Variants in MAX observed in about 807,000 individuals in gnomAD.
The protein encoded by MAX is MYC associated transcriptional regulator X, also known as protein max.
Under a neutral mutation model 22.3 loss-of-function variants are expected in MAX, and 3 were observed. The observed-to-expected ratio is 0.13, with a 90% confidence interval of 0.06 to 0.35. The LOEUF (loss-of-function observed/expected upper bound fraction) is 0.35, where lower values mean the gene tolerates loss of function less well. Ranked by LOEUF, MAX falls within the 10% of genes least tolerant of loss-of-function variation. The probability of loss-of-function intolerance (pLI) is 1.00; values close to 1 mark genes in which losing one functional copy is unlikely to be tolerated. For missense variants in MAX, 119 were observed against 209.4 expected (o/e 0.57, Z 2.66); for synonymous variants, 72 against 77.7 (o/e 0.93, Z 0.39).
chr14:65,032,710 G>A lies in MAX; in HGVS notation c.172-26426C>T, dbSNP rs748420900. 6.2e-7 allele frequency: 1 copy of A among 1,612,350 alleles called. No homozygotes were observed. On this transcript the variant is annotated intron_variant, in intron 3 of 3. Coordinates refer to the MAX transcript ENST00000341653. This position sits in a 1 kb window ranked among gnomAD's most constrained non-coding sequence, Gnocchi z 5.0. The stretch of plus-strand genomic sequence containing the variant: ...ATGGATAGCAAGGTGAGAGAAGCCA[G>A]GGTTTCTCCTGGCCTCTTGGAGAGC...
Position 65,032,402 on chromosome 14 carries a change from T to C in MAX, c.172-26118A>G. 2 of 470,692 alleles carry C rather than the reference T, an allele frequency of 4.2e-6. No individual in the cohort carries two copies. Among genetic ancestry groups the C allele is most frequent in the Non-Finnish European group, 7.5e-6 (2 of 266,604 alleles). 29.2% of individuals were successfully genotyped at this position (470,692 alleles called of 1,614,324 possible). ...AGGGAGAATAGAATGTCATGTTCTT[T>C]CACTGAAGCCATGCCGTGAGCAACT... On this transcript the variant is annotated intron_variant, in intron 3 of 3. Transcript: ENST00000341653. This position sits in a 1 kb window ranked among gnomAD's most constrained non-coding sequence, Gnocchi z 5.0.
rs1444214530 is a variant in MAX at position 65,032,935 on chromosome 14, G to A, written c.172-26651C>T. 6.6e-6 allele frequency among the ~76,000 whole-genome samples: 1 copy of A among 152,124 alleles called. No individual in the cohort carries two copies. The highest frequency in any genetic ancestry group is 1.5e-5 in the Non-Finnish European group (1 of 68,024). ...TAAAAAACTTTGGTAAACAATATTA[G>A]TGAGAGCCTGAATTGATTTAACCAG... is the stretch of plus-strand genomic sequence containing the variant. On this transcript the variant is annotated intron_variant, in intron 3 of 3. Coordinates refer to the MAX transcript ENST00000341653. This position sits in a 1 kb window ranked among gnomAD's most constrained non-coding sequence, Gnocchi z 5.0.
intron 3 of MAX, among the ~76,000 whole-genome samples, chr14:65,087,301 A>T (rs547674152): frequency 1.6e-4 from 24 of 152,292 alleles, no homozygotes; most frequent in African/African-American, 5.5e-4. Flanking sequence ...CTGTGAGAAG[A>T]GTGCCACCAT....
rs1224440622 is a variant in MAX at position 65,023,910 on chromosome 14, G to A, written c.172-17626C>T. Reference sequence around the variant, plus strand: ...GAGCTCGGGAGTTCGAGACCAGCCTGGGCAACACAGTGAAACCCTGACTCT... The same window carrying A: ...GAGCTCGGGAGTTCGAGACCAGCCTAGGCAACACAGTGAAACCCTGACTCT... On this transcript the variant is annotated intron_variant, in intron 3 of 3. Coordinates refer to the MAX transcript ENST00000341653. This position sits in a 1 kb window ranked among gnomAD's most constrained non-coding sequence, Gnocchi z 4.1. Among the ~76,000 whole-genome samples, 3 of 152,078 alleles carry A rather than the reference G, an allele frequency of 2.0e-5. No individual in the cohort carries two copies. Among genetic ancestry groups the A allele is most frequent in the Admixed American group, 6.6e-5 (1 of 15,260 alleles).
downstream of MAX, among the ~76,000 whole-genome samples, chr14:65,071,921 A>G (rs1289152389): frequency 6.6e-6 from 1 of 152,228 alleles, no homozygotes; most frequent in Non-Finnish European, 1.5e-5. This position sits in a 1 kb window ranked among gnomAD's most constrained non-coding sequence, Gnocchi z 4.2. Context: ...TCCCTGAGGA[A>G]GTTAACTAGA....
rs1392616204 is a variant in MAX, at chr14:65,007,792, A to G, written c.172-1508T>C. Among the ~76,000 whole-genome samples the G allele has an allele frequency of 2.0e-5, 3 of 152,240 alleles. No individual in the cohort carries two copies. The highest frequency in any genetic ancestry group is 4.8e-5 in the African/African-American group (2 of 41,468). On this transcript the variant is annotated intron_variant, in intron 3 of 3. Transcript: ENST00000341653. This position sits in a 1 kb window ranked among gnomAD's most constrained non-coding sequence, Gnocchi z 4.9. ...ACCTTGGCTTTAATAAGAAACCTGA[A>G]ATGCATAAACTACACAGATACCTCG...
Position 65,078,088 on chromosome 14 carries a change from GCAGT to G in MAX, c.172-56_172-53del. The G allele has an allele frequency of 3.1e-6, 5 of 1,613,006 alleles. No individual in the cohort carries two copies. The highest frequency in any genetic ancestry group is 4.2e-6 in the Non-Finnish European group (5 of 1,179,286). ...GGGACAAAATAAAAACCCAATCCAG[GCAGT>G]GAGGGAACCTGGCCTGCAGCAACTG... On this transcript the variant is annotated intron_variant, in intron 3 of 4. Coordinates refer to ENST00000358664, the MANE Select transcript of MAX (RefSeq NM_002382.5). The surrounding 1 kb of genome is among the most constrained non-coding windows in gnomAD (Gnocchi z 6.4).
In MAX at chr14:65,030,474, C is replaced by T. The variant is rs1372256523; in HGVS notation, c.172-24190G>A. ...AAACCAGGGCCGAGCGGCAGTGGCT[C>T]ATGTCTGTAATCTCAACACTTTGAG... On this transcript the variant is annotated intron_variant, in intron 3 of 3. Coordinates refer to the MAX transcript ENST00000341653. The surrounding 1 kb of genome is among the most constrained non-coding windows in gnomAD (Gnocchi z 4.5). Among the ~76,000 whole-genome samples, 1 of 152,166 alleles carries T rather than the reference C, an allele frequency of 6.6e-6. No individual in the cohort carries two copies. Among genetic ancestry groups the T allele is most frequent in the Non-Finnish European group, 1.5e-5 (1 of 68,018 alleles).
rs76877801 is a variant in MAX, at chr14:65,016,073, C to T, written c.172-9789G>A. 3.0e-3 allele frequency among the ~76,000 whole-genome samples: 450 copies of T among 152,306 alleles called. 1 individual carries two copies. The highest frequency in any genetic ancestry group is 0.01 in the African/African-American group (433 of 41,572). ...TTTGAACAGCTTCTGTGGGGAAGCACGTGCCAGTCCAGTGAACAAAAATGC... is the reference window on the plus strand; with the variant it reads ...TTTGAACAGCTTCTGTGGGGAAGCATGTGCCAGTCCAGTGAACAAAAATGC... On this transcript the variant is annotated intron_variant, in intron 3 of 3. Coordinates refer to the MAX transcript ENST00000341653.
intron 3 of MAX, among the ~76,000 whole-genome samples, chr14:65,026,052 GT>G (rs1459050888): frequency 6.6e-6 from 1 of 152,222 alleles, no homozygotes; most frequent in African/African-American, 2.4e-5. Flanking sequence ...TTATAAACTT[GT>G]GTCTTCTTGG....
At chr14:65,037,911 C>T (rs966024466) in intron 3 of MAX, among the ~76,000 whole-genome samples, 4 of 151,716 alleles carry the variant, frequency 2.6e-5, no homozygotes, top group Non-Finnish European at 5.9e-5. Flanking sequence ...TCCCAAGTAG[C>T]TGGGATTATA....
intron 3 of MAX, among the ~76,000 whole-genome samples, chr14:65,058,359 G>A (rs1025681912): frequency 2.0e-5 from 3 of 151,500 alleles, no homozygotes; most frequent in African/African-American, 4.9e-5. Context: ...TGTTACTAGT[G>A]TATAGAAATG....
intron 3 of MAX, among the ~76,000 whole-genome samples, chr14:65,067,640 T>TC (rs56324121): frequency 3.7e-4 from 56 of 151,862 alleles, no homozygotes; most frequent in African/African-American, 1.3e-3. Context: ...TTTTTTTTTT[T>TC]CCAAGAGACA....
At position 65,078,557 on chromosome 14, in the gene MAX, T is replaced by C. The variant is rs1380527089; in HGVS notation, c.172-521A>G. ...TGTTTTTTTTTTTTTGGAGACGTAG[T>C]CTCGCTCTGTTGCCCAGGCTGGAGT... On this transcript the variant is annotated intron_variant, in intron 3 of 4. Coordinates refer to ENST00000358664, the MANE Select transcript of MAX (RefSeq NM_002382.5). The surrounding 1 kb of genome is among the most constrained non-coding windows in gnomAD (Gnocchi z 6.4). 6.7e-6 allele frequency among the ~76,000 whole-genome samples: 1 copy of C among 149,468 alleles called. No homozygotes were observed. The highest frequency in any genetic ancestry group is 6.7e-5 in the Admixed American group (1 of 14,956).
intron 3 of MAX, among the ~76,000 whole-genome samples, chr14:65,006,650 C>T (rs979182343): frequency 3.9e-5 from 6 of 152,208 alleles, no homozygotes; most frequent in African/African-American, 1.4e-4. Flanking sequence ...AGTCACTGTC[C>T]ACTGCCTGGG....
chr14:65,053,411 C>T, intron 3 of MAX: 1 of 1,250,710 alleles, frequency 8.0e-7, no homozygotes, highest in Non-Finnish European at 1.0e-6. Flanking sequence ...GGGCGTGCAC[C>T]TCAGGCCTAC....
At chr14:65,043,577 C>T (rs2062399903) in intron 3 of MAX, among the ~76,000 whole-genome samples, 2 of 152,012 alleles carry the variant, frequency 1.3e-5, no homozygotes, top group African/African-American at 2.4e-5. Context: ...AATCCCAGCA[C>T]TTTGGGAGGC....
rs61121169 is a variant in MAX at position 65,079,728 on chromosome 14, C to T, written c.172-1692G>A. Among the ~76,000 whole-genome samples, 2,306 of 152,008 alleles carry T rather than the reference C, an allele frequency of 0.015. 59 individuals are homozygous for T. Among genetic ancestry groups the T allele is most frequent in the African/African-American group, 0.052 (2,166 of 41,422 alleles). On this transcript the variant is annotated intron_variant, in intron 3 of 4. Coordinates refer to ENST00000358664, the MANE Select transcript of MAX (RefSeq NM_002382.5). This position sits in a 1 kb window ranked among gnomAD's most constrained non-coding sequence, Gnocchi z 4.5. ...ACATGTACACCGTGGCTAGCAAAACCAGATCTACTCATATTAAATCCTAAC... is the reference window on the plus strand; with the variant it reads ...ACATGTACACCGTGGCTAGCAAAACTAGATCTACTCATATTAAATCCTAAC...
intron 3 of MAX, among the ~76,000 whole-genome samples, chr14:65,043,828 C>CA (rs749243788): frequency 0.041 from 2,612 of 64,134 alleles, 428 homozygotes; most frequent in Non-Finnish European, 0.046. Flanking sequence ...GACTCCGTCT[C>CA]AAAAAAAAAA....
Sources: allele counts gnomAD v4.1 joint callset (sites outside exome capture counted in the v4.1 genomes callset), GRCh38; gene constraint gnomAD v4.1.1; non-coding constraint Gnocchi (gnomAD v3.1); transcripts MANE v1.5; gene names NCBI Gene and HGNC (gene_info 2026-07-23, HGNC 2026-07-21).